COL28A1: variants seen among roughly 807,000 people sequenced by gnomAD.
The protein encoded by COL28A1 is collagen type XXVIII alpha 1 chain, also known as collagen alpha-1(XXVIII) chain.
Under a neutral mutation model 150.2 loss-of-function variants are expected in COL28A1, and 161 were observed. The ratio of observed to expected loss-of-function variants is 1.07; its 90% CI spans 0.94 to 1.22. COL28A1 has a LOEUF of 1.22. Ranked by LOEUF, COL28A1 falls within the 50% of genes most tolerant of loss-of-function variation. The probability of loss-of-function intolerance (pLI) is 0.00; values close to 1 mark genes in which losing one functional copy is unlikely to be tolerated. For synonymous variants in COL28A1, 552 were observed against 469.7 expected (o/e 1.18, Z -2.26); for missense variants, 1,617 against 1,388.3 (o/e 1.16, Z -2.62).
chr7:7,540,515 C>T (rs986458934), upstream of COL28A1, among the ~76,000 whole-genome samples: 2 of 152,154 alleles, frequency 1.3e-5, no homozygotes, highest in Non-Finnish European at 2.9e-5. Flanking sequence ...TATTAAGACC[C>T]ACCCAAAGGT....
chr7:7,394,360 A>G (rs1782721843), intron 27 of COL28A1, among the ~76,000 whole-genome samples: 1 of 152,186 alleles, frequency 6.6e-6, no homozygotes, highest in Non-Finnish European at 1.5e-5. Flanking sequence ...GGAGCTGCAG[A>G]CCAGAGCTGT....
chr7:7,443,722 G>T (rs528525482), intron 19 of COL28A1, 69 bp from the exon 20 acceptor site: 1 of 1,589,278 alleles, frequency 6.3e-7, no homozygotes, highest in African/African-American at 1.3e-5. Context: ...ATCCCACCTT[G>T]TCTCCTTTTA....
chr7:7,484,086 G>A lies in COL28A1; in HGVS notation c.1164+5303C>T, dbSNP rs148723871. On this transcript the variant is annotated intron_variant, in intron 13 of 34. Coordinates refer to ENST00000399429, the MANE Select transcript of COL28A1 (RefSeq NM_001037763.3). ...GCTAAGAACTTTTTTAAACTATGGA[G>A]TCCTCAGATTCATGAAACGGTAAAT... 1.1e-3 allele frequency among the ~76,000 whole-genome samples: 172 copies of A among 152,042 alleles called. 4 individuals carry two copies. The East Asian group carries it at 0.017, about 15-fold the overall frequency.
chr7:7,359,398 A>G (rs1050232446), intron 34 of COL28A1, among the ~76,000 whole-genome samples: 2 of 152,160 alleles, frequency 1.3e-5, no homozygotes, highest in Non-Finnish European at 2.9e-5. Context: ...CTAACGTCAT[A>G]TTGTCTTATC....
intron 1 of COL28A1, among the ~76,000 whole-genome samples, chr7:7,534,131 G>T (rs575232175): frequency 6.6e-6 from 1 of 152,148 alleles, no homozygotes; most frequent in Non-Finnish European, 1.5e-5. Context: ...GAGGACCAAT[G>T]GATGGCTTCA....
chr7:7,493,472 C>G (rs917511565), intron 11 of COL28A1, among the ~76,000 whole-genome samples: 7 of 152,274 alleles, frequency 4.6e-5, no homozygotes, highest in African/African-American at 1.7e-4. Context: ...TGAGCAATAT[C>G]TTAATATTGC....
At chr7:7,475,307 A>G (rs1788772599) in intron 14 of COL28A1, among the ~76,000 whole-genome samples, 1 of 152,214 alleles carries the variant, frequency 6.6e-6, no homozygotes, top group African/African-American at 2.4e-5. Context: ...CATTTAATAA[A>G]TTTATTAGAA....
At chr7:7,445,790 G>A (rs1786208774) in intron 18 of COL28A1, among the ~76,000 whole-genome samples, 1 of 150,878 alleles carries the variant, frequency 6.6e-6, no homozygotes, top group South Asian at 2.1e-4. Context: ...CTAAGTAGAT[G>A]GAATGATAAA....
chr7:7,521,530 C>T (rs976437860), intron 5 of COL28A1, among the ~76,000 whole-genome samples: 2 of 152,204 alleles, frequency 1.3e-5, no homozygotes, highest in African/African-American at 4.8e-5. Flanking sequence ...TTCAGAGAGG[C>T]TTGTACTCCA....
intron 13 of COL28A1, among the ~76,000 whole-genome samples, chr7:7,488,219 T>C (rs922479442): frequency 6.6e-6 from 1 of 152,248 alleles, no homozygotes; most frequent in Non-Finnish European, 1.5e-5. Flanking sequence ...ACTATCTATT[T>C]AGTGGAAACT....
At position 7,370,751 on chromosome 7, in the gene COL28A1, C is replaced by T; in HGVS notation, c.3040G>A (p.Glu1014Lys). Residue 1014 changes from glutamate to lysine, a missense_variant, in exon 33 of 35, where the codon GAG becomes AAG. By Grantham distance (56) the Glu-to-Lys change is moderately conservative (BLOSUM62 1). Transcript: ENST00000399429. ...SGEELSESTP[E>K]PQKEISESLS... Reference sequence around the variant, plus strand: ...GACTCAGAAATTTCTTTTTGAGGCTCTGGAGTAGATTCACTGAGTTCTTCC... The same window carrying T: ...GACTCAGAAATTTCTTTTTGAGGCTTTGGAGTAGATTCACTGAGTTCTTCC... 1 of 1,612,792 alleles carries T rather than the reference C, an allele frequency of 6.2e-7. No homozygotes were observed. Among genetic ancestry groups the T allele is most frequent in the Non-Finnish European group, 8.5e-7 (1 of 1,179,622 alleles).
At chr7:7,340,338 G>C in the COL28A1 span, among the ~76,000 whole-genome samples, 8 of 152,154 alleles carry the variant, frequency 5.3e-5, no homozygotes, top group Non-Finnish European at 1.2e-4. Context: ...AATTGTGCTA[G>C]AGTACATAGG....
intron 26 of COL28A1, 68 bp from the exon 27 acceptor site, chr7:7,417,995 T>C: frequency 7.8e-7 from 1 of 1,275,324 alleles, no homozygotes; most frequent in East Asian, 2.3e-5. Flanking sequence ...ACGTTAAGTA[T>C]TACTACTCTC....
At chr7:7,379,533 C>T (rs189879734) in intron 30 of COL28A1, among the ~76,000 whole-genome samples, 3 of 152,230 alleles carry the variant, frequency 2.0e-5, no homozygotes, top group East Asian at 3.9e-4. Context: ...GTCTTTCTCT[C>T]CACCAGGCTG....
chr7:7,411,870 GC>G (rs963466044), intron 27 of COL28A1, among the ~76,000 whole-genome samples: 2 of 152,156 alleles, frequency 1.3e-5, no homozygotes, highest in Non-Finnish European at 2.9e-5. Flanking sequence ...AGGTGTCTGT[GC>G]CCACAGTATC....
intron 33 of COL28A1, among the ~76,000 whole-genome samples, chr7:7,370,302 C>T (rs557998210): frequency 6.6e-6 from 1 of 152,004 alleles, no homozygotes; most frequent in African/African-American, 2.4e-5. Context: ...TGGGCATATG[C>T]GTATTTAGAA....
intron 27 of COL28A1, among the ~76,000 whole-genome samples, chr7:7,402,329 T>C (rs1783253061): frequency 6.6e-6 from 1 of 152,230 alleles, no homozygotes; most frequent in African/African-American, 2.4e-5. Context: ...TAAATACCTA[T>C]ATTCTATGGC....
At position 7,432,629 on chromosome 7, in the gene COL28A1, T is replaced by TA; in HGVS notation, c.1929+2dup. On this transcript the variant is annotated splice_region_variant and intron_variant, in intron 24 of 34. Coordinates refer to ENST00000399429, the MANE Select transcript of COL28A1 (RefSeq NM_001037763.3). ...GGAGGGAAGAAAAAAATGTCCCACT[T>TA]ACAGGCACACCAGGATAGCCATCAC... The TA allele has an allele frequency of 6.2e-7, 1 of 1,613,934 alleles. No homozygotes were observed. Among genetic ancestry groups the TA allele is most frequent in the Non-Finnish European group, 8.5e-7 (1 of 1,179,932 alleles).
Position 7,403,249 on chromosome 7 carries a change from C to T in COL28A1, c.2136+14610G>A, listed in dbSNP as rs373975421. The stretch of plus-strand genomic sequence containing the variant: ...CCTGGCCCAGGAAACACAGCTTTCA[C>T]GGGGAAGTGAAAGACTTTCAGTACA... On this transcript the variant is annotated intron_variant, in intron 27 of 34. Transcript: ENST00000399429. Among the ~76,000 whole-genome samples, 5 of 152,072 alleles carry T rather than the reference C, an allele frequency of 3.3e-5. No individual in the cohort carries two copies. The East Asian group carries it at 5.8e-4, about 18-fold the overall frequency.
Sources: allele counts gnomAD v4.1 joint callset (sites outside exome capture counted in the v4.1 genomes callset), GRCh38; gene constraint gnomAD v4.1.1; transcripts MANE v1.5; gene names NCBI Gene and HGNC (gene_info 2026-07-23, HGNC 2026-07-21).